MORN3: variants seen among roughly 807,000 people sequenced by gnomAD.
MORN3 encodes MORN repeat containing 3, also known as MORN repeat-containing protein 3.
Under a neutral mutation model 34.7 loss-of-function variants are expected in MORN3, and 38 were observed. The ratio of observed to expected loss-of-function variants is 1.10; its 90% CI spans 0.85 to 1.44. MORN3 has a LOEUF of 1.44. Among genes scored for constraint, MORN3 ranks in the 40% most tolerant of loss-of-function variants. The pLI is 0.00. For missense variants in MORN3, 311 were observed against 321.7 expected (o/e 0.97, Z 0.25); for synonymous variants, 109 against 115.3 (o/e 0.95, Z 0.35).
chr12:121,655,409 G>A (rs1555325590), intron 2 of MORN3, among the ~76,000 whole-genome samples: 2 of 151,618 alleles, frequency 1.3e-5, no homozygotes, highest in Non-Finnish European at 2.9e-5. Flanking sequence ...CCAGAAAAAT[G>A]AACATAAACA....
intron 3 of MORN3, among the ~76,000 whole-genome samples, 176 bp from the exon 4 acceptor site, chr12:121,653,435 CA>C (rs201098047): frequency 4.0e-5 from 6 of 149,060 alleles, no homozygotes; most frequent in East Asian, 2.0e-4. Context: ...CACATCTCTG[CA>C]AAAAAAAAAA....
chr12:121,652,307 C>T (rs1747707746), intron 5 of MORN3, among the ~76,000 whole-genome samples: 1 of 152,022 alleles, frequency 6.6e-6, no homozygotes, highest in East Asian at 1.9e-4. Flanking sequence ...AATCTCAGCT[C>T]ACTGCAACCT....
intron 2 of MORN3, among the ~76,000 whole-genome samples, chr12:121,657,583 C>T (rs1893448702): frequency 6.6e-6 from 1 of 151,942 alleles, no homozygotes; most frequent in South Asian, 2.1e-4. Context: ...TAATACAACC[C>T]AGGGCCAGGC....
chr12:121,658,141 A>G (rs1304053858), intron 2 of MORN3, among the ~76,000 whole-genome samples: 2 of 152,174 alleles, frequency 1.3e-5, no homozygotes, highest in East Asian at 1.9e-4. Context: ...ACTCAAGGCC[A>G]GGCACCGGCA....
rs1398934523 is a variant in MORN3 at position 121,648,794 on chromosome 12, G to A, written c.*2857C>T. Reference sequence around the variant, plus strand: ...TTTGAATACATAATACATTCACATGGTTCCAAACACAACACTGAAAAGTTG... The same window carrying A: ...TTTGAATACATAATACATTCACATGATTCCAAACACAACACTGAAAAGTTG... On this transcript the variant is annotated 3_prime_UTR_variant, in exon 6 of 6. Coordinates refer to ENST00000355329, the MANE Select transcript of MORN3 (RefSeq NM_173855.5). The A allele has an allele frequency of 6.6e-6, 1 of 152,050 alleles. No homozygotes were observed. The highest frequency in any genetic ancestry group is 1.5e-5 in the Non-Finnish European group (1 of 68,030). The allele number at this position is 152,050 out of a possible 1,614,324, so 9.4% of individuals were successfully genotyped here. A position where few individuals can be genotyped will look rare whatever the true frequency, so the allele number is the denominator to read the frequency against.
At chr12:121,657,154 G>A (rs955489822) in intron 2 of MORN3, among the ~76,000 whole-genome samples, 3 of 152,160 alleles carry the variant, frequency 2.0e-5, no homozygotes, top group African/African-American at 7.2e-5. Flanking sequence ...GAAACTTATA[G>A]TTTATAGTTT....
chr12:121,656,617 C>T (rs184976000), intron 2 of MORN3, among the ~76,000 whole-genome samples: 36 of 152,178 alleles, frequency 2.4e-4, no homozygotes, highest in African/African-American at 7.7e-4. Context: ...TGGCTTCAAG[C>T]GATTCTAATG....
upstream of MORN3, among the ~76,000 whole-genome samples, chr12:121,671,514 GA>G (rs1431521861): frequency 1.3e-5 from 2 of 152,076 alleles, no homozygotes; most frequent in Non-Finnish European, 2.9e-5. Flanking sequence ...TGAAAACACT[GA>G]AAGAACCAAT....
intron 5 of MORN3, 38 bp downstream of exon 5, chr12:121,652,690 A>G: frequency 6.3e-7 from 1 of 1,590,004 alleles, no homozygotes; most frequent in Non-Finnish European, 8.6e-7. Flanking sequence ...GAGCAGCCTC[A>G]GCCACATCAG....
intron 2 of MORN3, among the ~76,000 whole-genome samples, chr12:121,657,839 C>G (rs1326689282): frequency 6.6e-6 from 1 of 151,982 alleles, no homozygotes; most frequent in African/African-American, 2.4e-5. Flanking sequence ...TGCACTCCAG[C>G]GTGGCGACAA....
At chr12:121,666,952 C>CTTTTTTTTTTTTTTTT (rs376062157) in intron 1 of MORN3, among the ~76,000 whole-genome samples, 1 of 108,160 alleles carries the variant, frequency 9.2e-6, no homozygotes, top group Non-Finnish European at 1.9e-5. Context: ...CCCACAACCT[C>CTTTTTTTTTTTTTTTT]TTTTTTTTTT....
chr12:121,669,304 C>T (rs747422068), intron 1 of MORN3, 35 bp downstream of exon 1: 24 of 1,609,480 alleles, frequency 1.5e-5, no homozygotes, highest in Non-Finnish European at 2.0e-5. Flanking sequence ...TGGCTCTGAC[C>T]CCACTCCGGC....
rs782764590 is a variant in MORN3, at chr12:121,653,116, G to A, written c.607C>T (p.Arg203Cys). ...TGAGTGGGCTCAGGGGCCTCGTCAC[G>A]GCCAAAGTCGATCATCGTCCCGCAT... ...AKCGTMIDFG[R>C]DEAPEPTQFP... Residue 203 changes from arginine (R) to cysteine (C), a missense_variant, in exon 4 of 6, where the codon CGT becomes TGT. By Grantham distance (180) the Arg-to-Cys change is radical (BLOSUM62 -3). Coordinates refer to ENST00000355329, the MANE Select transcript of MORN3 (RefSeq NM_173855.5). The A allele has an allele frequency of 9.3e-6, 15 of 1,613,930 alleles. No individual in the cohort carries two copies. The highest frequency in any genetic ancestry group is 8.9e-5 in the East Asian group (4 of 44,876).
intron 1 of MORN3, 117 bp downstream of exon 1, chr12:121,669,222 G>A: frequency 3.6e-6 from 5 of 1,388,660 alleles, no homozygotes; most frequent in Non-Finnish European, 5.0e-6. Flanking sequence ...CTCACCCTGG[G>A]GGAGCCTTGG....
intron 1 of MORN3, among the ~76,000 whole-genome samples, chr12:121,661,439 T>C (rs560583876): frequency 6.6e-5 from 10 of 152,320 alleles, no homozygotes; most frequent in Admixed American, 4.6e-4. Flanking sequence ...AGTACCAATA[T>C]TGGTCAATTC....
At chr12:121,671,483 A>AG (rs993466669), upstream of MORN3, among the ~76,000 whole-genome samples, 2 of 152,104 alleles carry the variant, frequency 1.3e-5, no homozygotes, top group Non-Finnish European at 2.9e-5. Flanking sequence ...AGGTACCCTA[A>AG]GGCAATAATA....
At chr12:121,670,803 A>G (rs1316958754), upstream of MORN3, among the ~76,000 whole-genome samples, 2 of 147,012 alleles carry the variant, frequency 1.4e-5, no homozygotes, top group African/African-American at 2.5e-5. Context: ...AGCAAGACTC[A>G]GTCTTAAAAA....
At position 121,652,821 on chromosome 12, in the gene MORN3, A is replaced by C. The variant is rs1893290966; in HGVS notation, c.649-13T>G. The stretch of plus-strand genomic sequence containing the variant: ...CTAGGATTTTGACCTGGAGGGAAAT[A>C]CCAAGAAGTTGGTTTGGAGAGCATG... On this transcript the variant is annotated splice_polypyrimidine_tract_variant and intron_variant, in intron 4 of 5. Transcript: ENST00000355329. 6.2e-7 allele frequency: 1 copy of C among 1,613,974 alleles called. No individual in the cohort carries two copies. Among genetic ancestry groups the C allele is most frequent in the African/African-American group, 1.3e-5 (1 of 74,944 alleles).
At position 121,654,419 on chromosome 12, in the gene MORN3, C is replaced by G. The variant is rs782479607; in HGVS notation, c.318G>C (p.Gln106His). Residue 106 changes from glutamine to histidine, a missense_variant, in exon 3 of 6, where the codon CAG becomes CAC. By Grantham distance (24) the Gln-to-His change is conservative. Coordinates refer to ENST00000355329, the MANE Select transcript of MORN3 (RefSeq NM_173855.5). ...CATAATACTCCTTGGGTCCGAAAAA[C>G]TGGATCCCATAACCCTGAAAGTACG... ...KGDKKSGYGIQFFGPKEYYEG... is the reference protein window; with the variant it reads ...KGDKKSGYGIHFFGPKEYYEG... 1.9e-6 allele frequency: 3 copies of G among 1,594,578 alleles called. No individual in the cohort carries two copies. Among genetic ancestry groups the G allele is most frequent in the Non-Finnish European group, 2.6e-6 (3 of 1,170,618 alleles).
Sources: allele counts gnomAD v4.1 joint callset (sites outside exome capture counted in the v4.1 genomes callset), GRCh38; gene constraint gnomAD v4.1.1; transcripts MANE v1.5; gene names NCBI Gene and HGNC (gene_info 2026-07-23, HGNC 2026-07-21).